Variants in HS6ST2 observed in about 807,000 individuals in gnomAD.
The protein encoded by HS6ST2 is heparan-sulfate 6-O-sulfotransferase 2.
HS6ST2 carries 17 observed loss-of-function variants against 33.0 expected under a neutral mutation model. The ratio of observed to expected loss-of-function variants is 0.52; its 90% CI spans 0.35 to 0.77. HS6ST2 has a LOEUF of 0.77. Ranked by LOEUF, HS6ST2 falls within the 30% of genes least tolerant of loss-of-function variation. The pLI, the probability that HS6ST2 is intolerant of heterozygous loss-of-function variation, is 0.01. For synonymous variants in HS6ST2, 248 were observed against 237.1 expected, an observed-to-expected ratio of 1.05 and a Z score of -0.42; for missense variants, 519 against 551.7, an observed-to-expected ratio of 0.94 and a Z score of 0.59.
intron 4 of HS6ST2, among the ~76,000 whole-genome samples, chrX:132,655,923 G>A (rs1471102580): frequency 9.0e-6 from 1 of 111,337 alleles, no homozygotes; most frequent in Non-Finnish European, 1.9e-5. Context: ...TATTTTTTGG[G>A]AGAGGATGGC....
At chrX:132,933,287 C>T (rs1379135634) in intron 2 of HS6ST2, among the ~76,000 whole-genome samples, 1 of 110,837 alleles carries the variant, frequency 9.0e-6, no homozygotes, top group Non-Finnish European at 1.9e-5. Context: ...GAGATCGCAC[C>T]AGTGCACTCC....
At chrX:132,728,195 T>A (rs1041854414) in intron 2 of HS6ST2, among the ~76,000 whole-genome samples, 11 of 112,277 alleles carry the variant, frequency 9.8e-5, no homozygotes, top group African/African-American at 3.6e-4. Flanking sequence ...ATACTCTAAC[T>A]TTCTGAGAAA....
chrX:132,924,910 C>G (rs957564112), intron 2 of HS6ST2, among the ~76,000 whole-genome samples: 1 of 110,901 alleles, frequency 9.0e-6, no homozygotes, highest in African/African-American at 3.3e-5. Flanking sequence ...ATTGCTTGAG[C>G]CTGGGAGTTC....
chrX:132,956,751 T>A, intron 2 of HS6ST2, 57 bp downstream of exon 2: 1 of 1,110,832 alleles, frequency 9.0e-7, no homozygotes, highest in Non-Finnish European at 1.2e-6. Context: ...CAGCCGCGCC[T>A]CCCAGCCCTC....
intron 2 of HS6ST2, among the ~76,000 whole-genome samples, chrX:132,841,829 T>C (rs1394960624): frequency 8.9e-6 from 1 of 111,918 alleles, no homozygotes; most frequent in Admixed American, 9.5e-5. Flanking sequence ...TATAGGCCCG[T>C]CATACTAGGT....
chrX:132,721,915 G>A (rs891028222), intron 2 of HS6ST2, among the ~76,000 whole-genome samples: 1 of 111,275 alleles, frequency 9.0e-6, no homozygotes, highest in Non-Finnish European at 1.9e-5. Context: ...ACGGCCGGGC[G>A]CGGTGGCTCA....
Position 132,646,967 on chromosome X carries a change from T to A in HS6ST2, c.1068-17874A>T, listed in dbSNP as rs745553776. On this transcript the variant is annotated intron_variant, in intron 4 of 4. Coordinates refer to ENST00000370833, the MANE Select transcript of HS6ST2 (RefSeq NM_001394073.1). ...TTTATTCACTATCACAAGAACAGCA[T>A]GGAAAACCCACCCCTGTGATTCAAT... Among the ~76,000 whole-genome samples the A allele has an allele frequency of 4.5e-5, 5 of 111,316 alleles. No homozygotes were observed. In the South Asian group the frequency reaches 1.2e-3, roughly 26 times the overall value.
In HS6ST2 at chrX:132,784,996, T is replaced by C. The variant is rs192210362; in HGVS notation, c.948-76502A>G. 1.2e-3 allele frequency among the ~76,000 whole-genome samples: 131 copies of C among 111,948 alleles called. 1 individual carries two copies. Among genetic ancestry groups the C allele is most frequent in the African/African-American group, 3.9e-3 (119 of 30,805 alleles). ...AAGTGGATATCCTTGTCCAGAGATA[T>C]GGACCCCTGAGTCACTTCAGATTGC... On this transcript the variant is annotated intron_variant, in intron 2 of 4. Transcript: ENST00000370833.
intron 2 of HS6ST2, among the ~76,000 whole-genome samples, chrX:132,918,117 T>A (rs1255913630): frequency 2.7e-5 from 3 of 112,300 alleles, no homozygotes; most frequent in Non-Finnish European, 5.6e-5. Context: ...GGGTTCAGAG[T>A]CCACATCAAC....
chrX:132,809,991 A>G (rs1487089185), intron 2 of HS6ST2, among the ~76,000 whole-genome samples: 1 of 112,022 alleles, frequency 8.9e-6, no homozygotes, highest in Admixed American at 9.5e-5. Flanking sequence ...AAGGAGAAGA[A>G]TAAGTGCTCC....
At chrX:132,629,422 A>G (rs1569475023) in intron 4 of HS6ST2, among the ~76,000 whole-genome samples, 1 of 111,073 alleles carries the variant, frequency 9.0e-6, no homozygotes, top group Non-Finnish European at 1.9e-5. Flanking sequence ...CAAAGACAAA[A>G]TCTTCCCAAT....
chrX:132,789,513 A>G (rs146296664), intron 2 of HS6ST2, among the ~76,000 whole-genome samples: 2,075 of 111,947 alleles, frequency 0.019, 37 homozygotes, highest in East Asian at 0.13. Context: ...CATGCCTGCT[A>G]ACACAACATC....
At chrX:132,917,435 C>A (rs368803176) in intron 2 of HS6ST2, among the ~76,000 whole-genome samples, 3 of 110,574 alleles carry the variant, frequency 2.7e-5, no homozygotes, top group Admixed American at 9.6e-5. Flanking sequence ...CATGTCTCTA[C>A]TAAAAACACA....
At chrX:132,863,465 G>A (rs998989530) in intron 2 of HS6ST2, among the ~76,000 whole-genome samples, 48 of 106,966 alleles carry the variant, frequency 4.5e-4, no homozygotes, top group Admixed American at 1.4e-3. Flanking sequence ...GACTGCAGGC[G>A]CACAGTGACA....
Position 132,637,891 on chromosome X carries a change from T to A in HS6ST2, c.1068-8798A>T, listed in dbSNP as rs866055833. ...ATTATATATAATATATATATAATAT[T>A]TTATATATAATATTATATATAATAT... On this transcript the variant is annotated intron_variant, in intron 4 of 4. Transcript: ENST00000370833. Among the ~76,000 whole-genome samples the A allele has an allele frequency of 7.6e-3, 413 of 54,553 alleles. 3 individuals are homozygous for A. Among genetic ancestry groups the A allele is most frequent in the African/African-American group, 0.016 (126 of 7,733 alleles). 47.4% of individuals were successfully genotyped at this position (54,553 alleles called of 115,157 possible).
chrX:132,932,135 G>A (rs1469207684), intron 2 of HS6ST2, among the ~76,000 whole-genome samples: 1 of 104,920 alleles, frequency 9.5e-6, no homozygotes, highest in African/African-American at 3.5e-5. Flanking sequence ...GCAGTGAACC[G>A]AGATTGCGCC....
chrX:132,956,683 C>G, intron 2 of HS6ST2, 125 bp downstream of exon 2: 1 of 853,158 alleles, frequency 1.2e-6, no homozygotes, highest in South Asian at 2.9e-5. Flanking sequence ...CCAGCACCTG[C>G]CCAGCCGGGG....
intron 3 of HS6ST2, among the ~76,000 whole-genome samples, chrX:132,685,965 C>T (rs927355023): frequency 2.8e-4 from 31 of 112,059 alleles, no homozygotes; most frequent in African/African-American, 8.8e-4. Context: ...CACTATAGTG[C>T]TTTGACATCA....
At chrX:132,845,141 T>G (rs995342726) in intron 2 of HS6ST2, among the ~76,000 whole-genome samples, 2 of 108,917 alleles carry the variant, frequency 1.8e-5, no homozygotes, top group Non-Finnish European at 3.8e-5. Context: ...AATATATACA[T>G]TATACATATT....
Sources: gnomAD v4.1 joint callset for allele counts (sites outside exome capture counted in the v4.1 genomes callset) on GRCh38, gnomAD v4.1.1 for gene constraint, MANE v1.5 for transcripts, NCBI Gene and HGNC (gene_info 2026-07-23, HGNC 2026-07-21) for gene names.